NUBPL: variants seen among roughly 807,000 people sequenced by gnomAD.
NUBPL encodes the protein iron-sulfur cluster transfer protein NUBPL.
A neutral mutation model predicts 45.7 loss-of-function variants in NUBPL; 31 were observed. The observed-to-expected ratio is 0.68, with a 90% confidence interval of 0.51 to 0.92. NUBPL has a LOEUF of 0.92. Among genes scored for constraint, NUBPL ranks in the 40% least tolerant of loss-of-function variants. The probability of loss-of-function intolerance (pLI) is 0.00; values close to 1 mark genes in which losing one functional copy is unlikely to be tolerated. For synonymous variants in NUBPL, 144 were observed against 140.9 expected, an observed-to-expected ratio of 1.02 and a Z score of -0.15; for missense variants, 401 against 398.7, an observed-to-expected ratio of 1.01 and a Z score of -0.05.
In NUBPL at chr14:31,781,306, T is replaced by G. The variant is rs140650733; in HGVS notation, c.514-6474T>G. On this transcript the variant is annotated intron_variant, in intron 6 of 10. Transcript: ENST00000281081. Reference sequence around the variant, plus strand: ...ATCTTTGTTTCCTAGGCCAGTTACTTTGAGCAGGGGAATACATTTAGTAAC... The same window carrying G: ...ATCTTTGTTTCCTAGGCCAGTTACTGTGAGCAGGGGAATACATTTAGTAAC... 2.1e-3 allele frequency among the ~76,000 whole-genome samples: 318 copies of G among 152,310 alleles called. 1 individual carries two copies. The highest frequency in any genetic ancestry group is 7.3e-3 in the African/African-American group (304 of 41,574).
At chr14:31,819,723 C>A (rs2039982823) in intron 7 of NUBPL, among the ~76,000 whole-genome samples, 1 of 152,190 alleles carries the variant, frequency 6.6e-6, no homozygotes, top group Admixed American at 6.5e-5. Flanking sequence ...ATCTGCCAGA[C>A]AATCAACCTT....
chr14:31,656,349 A>G (rs2036140392), intron 4 of NUBPL, among the ~76,000 whole-genome samples: 1 of 152,178 alleles, frequency 6.6e-6, no homozygotes, highest in East Asian at 1.9e-4. Flanking sequence ...GTTTCTTACA[A>G]GAACTTTTCC....
chr14:31,817,779 C>A (rs943252307), intron 7 of NUBPL, among the ~76,000 whole-genome samples: 10 of 152,128 alleles, frequency 6.6e-5, no homozygotes, highest in African/African-American at 2.4e-4. Context: ...CAGCTAGCAT[C>A]ATAATGACAG....
At chr14:31,693,180 T>G (rs1025657328) in intron 6 of NUBPL, among the ~76,000 whole-genome samples, 2 of 152,190 alleles carry the variant, frequency 1.3e-5, no homozygotes, top group African/African-American at 2.4e-5. Context: ...CACTTTAAGG[T>G]GAATTGTGAA....
intron 4 of NUBPL, among the ~76,000 whole-genome samples, chr14:31,624,391 A>G (rs1239244130): frequency 1.3e-5 from 2 of 152,172 alleles, no homozygotes; most frequent in Non-Finnish European, 2.9e-5. Flanking sequence ...TAGTCAACAG[A>G]TGGTTGGATA....
chr14:31,595,409 A>G (rs570190651), intron 3 of NUBPL, among the ~76,000 whole-genome samples: 2 of 152,340 alleles, frequency 1.3e-5, no homozygotes, highest in African/African-American at 4.8e-5. Flanking sequence ...TAGTAAGTTT[A>G]CAGTTATTTT....
intron 7 of NUBPL, among the ~76,000 whole-genome samples, chr14:31,820,247 A>G (rs1238694536): frequency 1.3e-5 from 2 of 152,126 alleles, no homozygotes; most frequent in African/African-American, 4.8e-5. Context: ...TGCAAACTAA[A>G]CTTCATTTTT....
At chr14:31,791,138 A>G (rs2039374664) in intron 7 of NUBPL, among the ~76,000 whole-genome samples, 1 of 150,122 alleles carries the variant, frequency 6.7e-6, no homozygotes, top group South Asian at 2.1e-4. Flanking sequence ...GTTAGCTGGG[A>G]GTGGTGACGT....
At chr14:31,787,543 T>A (rs2039305800) in intron 6 of NUBPL, among the ~76,000 whole-genome samples, 1 of 152,146 alleles carries the variant, frequency 6.6e-6, no homozygotes, top group Admixed American at 6.5e-5. Flanking sequence ...TTAACGTGTG[T>A]GTATGCGGAT....
chr14:31,834,318 C>T (rs552473592), intron 8 of NUBPL, among the ~76,000 whole-genome samples: 136 of 151,328 alleles, frequency 9.0e-4, no homozygotes, highest in Admixed American at 3.4e-3. Context: ...GTAGCTGGGA[C>T]TACAGGCTCC....
chr14:31,757,760 A>G (rs1435252911), intron 6 of NUBPL, among the ~76,000 whole-genome samples: 6 of 152,148 alleles, frequency 3.9e-5, no homozygotes, highest in Non-Finnish European at 8.8e-5. Context: ...CTGTAATTAA[A>G]TGTAAAACAA....
intron 6 of NUBPL, among the ~76,000 whole-genome samples, chr14:31,766,253 T>G (rs2138745736): frequency 6.6e-6 from 1 of 152,350 alleles, no homozygotes; most frequent in East Asian, 1.9e-4. Context: ...TAACTTAGTC[T>G]GTTTTCCAAC....
chr14:31,596,603 C>T (rs780100569), intron 3 of NUBPL, among the ~76,000 whole-genome samples: 1 of 152,088 alleles, frequency 6.6e-6, no homozygotes, highest in Non-Finnish European at 1.5e-5. Flanking sequence ...ATCATATGAT[C>T]CTCAACGTCT....
chr14:31,631,232 C>CTG (rs1011305471), intron 4 of NUBPL, among the ~76,000 whole-genome samples: 3 of 151,860 alleles, frequency 2.0e-5, no homozygotes, highest in East Asian at 3.9e-4. Context: ...TTACAGGTGT[C>CTG]TGTGTGTGTG....
chr14:31,682,055 CAG>C (rs2036846698), intron 6 of NUBPL, among the ~76,000 whole-genome samples: 2 of 152,094 alleles, frequency 1.3e-5, no homozygotes, highest in Non-Finnish European at 2.9e-5. Flanking sequence ...GGTTGGTTGA[CAG>C]AGTTCACATT....
chr14:31,719,218 C>T (rs965132734), intron 6 of NUBPL, among the ~76,000 whole-genome samples: 3 of 152,182 alleles, frequency 2.0e-5, no homozygotes, highest in Non-Finnish European at 4.4e-5. Flanking sequence ...GAGTGTCATA[C>T]TGCCTGTATG....
intron 6 of NUBPL, among the ~76,000 whole-genome samples, chr14:31,785,073 C>T (rs534225057): frequency 2.6e-5 from 4 of 152,254 alleles, no homozygotes; most frequent in African/African-American, 9.6e-5. Flanking sequence ...TAAAGTAGCA[C>T]CTTCCACCAT....
chr14:31,686,439 T>C (rs867993644), intron 6 of NUBPL, among the ~76,000 whole-genome samples: 6 of 152,174 alleles, frequency 3.9e-5, no homozygotes, highest in Non-Finnish European at 7.3e-5. Flanking sequence ...AAGTTGGTTG[T>C]GTTCAGAGGA....
intron 6 of NUBPL, among the ~76,000 whole-genome samples, chr14:31,761,393 A>G (rs2038806254): frequency 1.3e-5 from 2 of 152,150 alleles, no homozygotes; most frequent in Admixed American, 6.5e-5. Flanking sequence ...TTTTTTAATT[A>G]CAAAGAAAAT....
Sources: gnomAD v4.1 joint callset for allele counts (sites outside exome capture counted in the v4.1 genomes callset) on GRCh38, gnomAD v4.1.1 for gene constraint, MANE v1.5 for transcripts, NCBI Gene and HGNC (gene_info 2026-07-23, HGNC 2026-07-21) for gene names.